Variants in PPP3CB observed in about 807,000 individuals in gnomAD.
PPP3CB encodes serine/threonine-protein phosphatase 2B catalytic subunit beta isoform.
A neutral mutation model predicts 66.4 loss-of-function variants in PPP3CB; 8 were observed. That is an observed-to-expected ratio of 0.12 (90% CI 0.07 to 0.22). The LOEUF (loss-of-function observed/expected upper bound fraction) is 0.22, where lower values mean the gene tolerates loss of function less well. Ranked by LOEUF, PPP3CB falls within the 10% of genes least tolerant of loss-of-function variation. The pLI, the probability that PPP3CB is intolerant of heterozygous loss-of-function variation, is 1.00. For synonymous variants in PPP3CB, 208 were observed against 221.2 expected, an observed-to-expected ratio of 0.94 and a Z score of 0.53; for missense variants, 319 against 642.5, an observed-to-expected ratio of 0.50 and a Z score of 5.44.
chr10:73,452,348 C>T (rs1216756728), intron 10 of PPP3CB, among the ~76,000 whole-genome samples: 1 of 152,058 alleles, frequency 6.6e-6, no homozygotes, highest in Non-Finnish European at 1.5e-5. Context: ...AATCTGAGCC[C>T]AGGTCTATTC....
intron 1 of PPP3CB, among the ~76,000 whole-genome samples, chr10:73,481,613 A>G (rs2056879858): frequency 6.6e-6 from 1 of 151,478 alleles, no homozygotes; most frequent in Non-Finnish European, 1.5e-5. Flanking sequence ...TTACATTTCA[A>G]CTTAAAGTAA....
At position 73,471,652 on chromosome 10, in the gene PPP3CB, G is replaced by C. The variant is rs774313726; in HGVS notation, c.524-39C>G. The C allele has an allele frequency of 3.4e-6, 5 of 1,482,332 alleles. No homozygotes were observed. The South Asian group carries it at 6.3e-5, about 19-fold the overall frequency. 91.8% of individuals were successfully genotyped at this position (1,482,332 alleles called of 1,614,324 possible). On this transcript the variant is annotated intron_variant, in intron 4 of 13. Transcript: ENST00000360663. ...AAACTAATTGAAAATTACATTACTGGTGGTGGTGTGACCATTTTAAAAACA... is the reference window on the plus strand; with the variant it reads ...AAACTAATTGAAAATTACATTACTGCTGGTGGTGTGACCATTTTAAAAACA...
At chr10:73,461,121 T>G (rs1168797583) in intron 9 of PPP3CB, among the ~76,000 whole-genome samples, 1 of 152,224 alleles carries the variant, frequency 6.6e-6, no homozygotes, top group Non-Finnish European at 1.5e-5. Context: ...GTGCCCAGGA[T>G]GTAGGACATG....
At chr10:73,464,387 G>GAATA (rs2056582812) in intron 9 of PPP3CB, among the ~76,000 whole-genome samples, 1 of 151,976 alleles carries the variant, frequency 6.6e-6, no homozygotes, top group Admixed American at 6.6e-5. Context: ...TTGGTACCTT[G>GAATA]AATAAAACAC....
chr10:73,495,106 T>C (rs1211760527), intron 1 of PPP3CB, among the ~76,000 whole-genome samples: 1 of 152,258 alleles, frequency 6.6e-6, no homozygotes, highest in Non-Finnish European at 1.5e-5. Flanking sequence ...GTAACTCCTT[T>C]TGACCAAAGT....
At chr10:73,469,476 A>T (rs2056669941) in intron 8 of PPP3CB, among the ~76,000 whole-genome samples, 1 of 152,186 alleles carries the variant, frequency 6.6e-6, no homozygotes. Flanking sequence ...CAGGATGCAG[A>T]TGTAGCAGTC....
Position 73,495,767 on chromosome 10 carries a change from C to T in PPP3CB, c.85+38G>A, listed in dbSNP as rs552820633. The stretch of plus-strand genomic sequence containing the variant: ...CGCCCGCCCTCACACACAGCTAGCT[C>T]TTCAGGCCAGGCCCCCAGGGTTTCG... On this transcript the variant is annotated intron_variant, in intron 1 of 13. Coordinates refer to ENST00000360663, the MANE Select transcript of PPP3CB (RefSeq NM_021132.4). 5.7e-5 allele frequency: 88 copies of T among 1,552,580 alleles called. No individual in the cohort carries two copies. In the South Asian group the frequency reaches 8.7e-4, roughly 15 times the overall value.
intron 1 of PPP3CB, among the ~76,000 whole-genome samples, chr10:73,486,056 C>G (rs578191478): frequency 6.6e-6 from 1 of 152,004 alleles, no homozygotes. Flanking sequence ...AGCGATTCTC[C>G]TGCCTCAGCC....
intron 1 of PPP3CB, among the ~76,000 whole-genome samples, chr10:73,484,881 GTC>G: frequency 6.6e-6 from 1 of 151,434 alleles, no homozygotes. Context: ...GTGAAACCTT[GTC>G]TCTACTAAAA....
At chr10:73,443,033 T>TA (rs891393299) in intron 12 of PPP3CB, among the ~76,000 whole-genome samples, 1 of 149,786 alleles carries the variant, frequency 6.7e-6, no homozygotes, top group South Asian at 2.1e-4. Flanking sequence ...AAATAAAAAA[T>TA]AAAAAAAATA....
intron 10 of PPP3CB, chr10:73,448,610 A>G: frequency 1.9e-6 from 1 of 532,710 alleles, no homozygotes. Flanking sequence ...CATGGACATG[A>G]AGATAACTTA....
intron 1 of PPP3CB, among the ~76,000 whole-genome samples, chr10:73,483,961 T>C (rs753158530): frequency 1.1e-4 from 16 of 151,824 alleles, no homozygotes; most frequent in African/African-American, 3.1e-4. Flanking sequence ...CTGGCCAACA[T>C]AGTGAAACCC....
chr10:73,457,657 G>A (rs1485237047), intron 9 of PPP3CB, among the ~76,000 whole-genome samples: 1 of 151,392 alleles, frequency 6.6e-6, no homozygotes, highest in Non-Finnish European at 1.5e-5. Flanking sequence ...AGAATCGCTT[G>A]AATCTGGGAG....
intron 8 of PPP3CB, among the ~76,000 whole-genome samples, chr10:73,467,991 T>C (rs752383896): frequency 3.3e-5 from 5 of 152,154 alleles, no homozygotes; most frequent in South Asian, 4.1e-4. Context: ...AAATCCAAAA[T>C]TGTGAAAACT....
intron 3 of PPP3CB, among the ~76,000 whole-genome samples, chr10:73,475,511 A>T (rs971278337): frequency 1.3e-5 from 2 of 152,238 alleles, no homozygotes; most frequent in Non-Finnish European, 1.5e-5. Context: ...AAAGATCTCA[A>T]GTAACTTGTC....
At position 73,451,815 on chromosome 10, in the gene PPP3CB, G is replaced by A. The variant is rs569702101; in HGVS notation, c.1186+2597C>T. On this transcript the variant is annotated intron_variant, in intron 10 of 13. Transcript: ENST00000360663. ...GGCTGGAGTGCAGTGGTGCGATCTC[G>A]ACTCACTGTAACCTCCGCCTCCTGG... Among the ~76,000 whole-genome samples the A allele has an allele frequency of 4.1e-5, 6 of 145,962 alleles. No homozygotes were observed. In the East Asian group the frequency reaches 1.2e-3, roughly 30 times the overall value.
rs544990577 is a variant in PPP3CB at position 73,493,275 on chromosome 10, CA to C, written c.85+2529del. The stretch of plus-strand genomic sequence containing the variant: ...GGGCAACAAGAGTGAAACTCCGTCT[CA>C]AAAAAAAAAAAAAAATTCCAGGGAG... On this transcript the variant is annotated intron_variant, in intron 1 of 13. Transcript: ENST00000360663. Among the ~76,000 whole-genome samples the C allele has an allele frequency of 3.6e-3, 384 of 105,826 alleles. 1 individual carries two copies. Among genetic ancestry groups the C allele is most frequent in the African/African-American group, 6.3e-3 (178 of 28,472 alleles). 69.4% of individuals were successfully genotyped at this position (105,826 alleles called of 152,430 possible).
intron 1 of PPP3CB, among the ~76,000 whole-genome samples, chr10:73,488,112 A>G (rs925889350): frequency 1.3e-5 from 2 of 152,154 alleles, no homozygotes; most frequent in African/African-American, 4.8e-5. Flanking sequence ...GTTCAGAGAC[A>G]TTAAGTTGCT....
chr10:73,475,056 AT>A lies in PPP3CB; in HGVS notation c.412-27del, dbSNP rs1265421945. On this transcript the variant is annotated intron_variant, in intron 3 of 13. Coordinates refer to ENST00000360663, the MANE Select transcript of PPP3CB (RefSeq NM_021132.4). ...CTGCAAAAGAAAATTTTTCTAGTGAATTTATCTTGTACTTTTGTTTAATGAA... is the reference window on the plus strand; with the variant it reads ...CTGCAAAAGAAAATTTTTCTAGTGAATTATCTTGTACTTTTGTTTAATGAA... 7 of 1,605,944 alleles carry A rather than the reference AT, an allele frequency of 4.4e-6. No individual in the cohort carries two copies. In the African/African-American group the frequency reaches 8.1e-5, roughly 18 times the overall value.
Sources: gnomAD v4.1 joint callset for allele counts (sites outside exome capture counted in the v4.1 genomes callset) on GRCh38, gnomAD v4.1.1 for gene constraint, MANE v1.5 for transcripts, NCBI Gene and HGNC (gene_info 2026-07-23, HGNC 2026-07-21) for gene names.